Variants in NALF1 observed in about 807,000 individuals in gnomAD.
The protein encoded by NALF1 is NALCN channel auxiliary factor 1, also known as family with sequence similarity 155 member A.
Under a neutral mutation model 48.4 loss-of-function variants are expected in NALF1, and 3 were observed. The ratio of observed to expected loss-of-function variants is 0.06; its 90% CI spans 0.03 to 0.16. The LOEUF (loss-of-function observed/expected upper bound fraction) is 0.16, where lower values mean the gene tolerates loss of function less well. Among genes scored for constraint, NALF1 ranks in the 10% least tolerant of loss-of-function variants. NALF1 has a pLI of 1.00. For synonymous variants in NALF1, 262 were observed against 245.7 expected (o/e 1.07, Z -0.62); for missense variants, 526 against 571.5 (o/e 0.92, Z 0.81).
intron 1 of NALF1, among the ~76,000 whole-genome samples, chr13:107,753,003 C>T (rs892210117): frequency 6.6e-6 from 1 of 152,146 alleles, no homozygotes; most frequent in African/African-American, 2.4e-5. Flanking sequence ...ATTTTGTTCC[C>T]CACATGGATG....
chr13:107,509,508 G>A (rs989107138), intron 1 of NALF1, among the ~76,000 whole-genome samples: 3 of 152,088 alleles, frequency 2.0e-5, no homozygotes, highest in Admixed American at 6.6e-5. Context: ...AGTCTTCAAC[G>A]ACCAAACACT....
At chr13:107,358,387 C>G (rs1425258776) in intron 1 of NALF1, among the ~76,000 whole-genome samples, 1 of 152,092 alleles carries the variant, frequency 6.6e-6, no homozygotes, top group African/African-American at 2.4e-5. Flanking sequence ...TCAGTGGGAT[C>G]CAGGTGAAAA....
intron 1 of NALF1, among the ~76,000 whole-genome samples, chr13:107,533,183 CATATTTT>C (rs1876694949): frequency 6.6e-6 from 1 of 152,040 alleles, no homozygotes. Flanking sequence ...CTCTGTTTTA[CATATTTT>C]GTTTGTAAAG....
At chr13:107,204,818 A>G (rs905116599) in intron 2 of NALF1, among the ~76,000 whole-genome samples, 9 of 152,198 alleles carry the variant, frequency 5.9e-5, no homozygotes, top group Non-Finnish European at 1.0e-4. Context: ...AAATGATGCT[A>G]TAACTACACT....
intron 1 of NALF1, among the ~76,000 whole-genome samples, chr13:107,795,371 TA>T (rs1878388041): frequency 6.6e-6 from 1 of 152,170 alleles, no homozygotes; most frequent in African/African-American, 2.4e-5. Context: ...ACGTGTAACT[TA>T]CTGAGTTAGG....
intron 1 of NALF1, among the ~76,000 whole-genome samples, chr13:107,351,740 T>C (rs1035789169): frequency 2.0e-5 from 3 of 152,198 alleles, no homozygotes; most frequent in African/African-American, 7.2e-5. Context: ...AAACTCAACA[T>C]ATTTAGAGAC....
At chr13:107,660,473 ACACAC>A (rs1566434053) in intron 1 of NALF1, among the ~76,000 whole-genome samples, 1 of 127,068 alleles carries the variant, frequency 7.9e-6, no homozygotes, top group Admixed American at 7.5e-5. Flanking sequence ...ACACACACAC[ACACAC>A]ACACACAACA....
chr13:107,410,799 G>T (rs545192537), intron 1 of NALF1, among the ~76,000 whole-genome samples: 70 of 152,230 alleles, frequency 4.6e-4, no homozygotes, highest in Non-Finnish European at 7.8e-4. Context: ...GGACAATAAT[G>T]ATTAATATTT....
At chr13:107,501,708 T>C (rs990012910) in intron 1 of NALF1, among the ~76,000 whole-genome samples, 9 of 152,136 alleles carry the variant, frequency 5.9e-5, no homozygotes, top group African/African-American at 1.9e-4. Context: ...TATTAGAAAA[T>C]AAGAGAGAAG....
At chr13:107,289,922 C>T (rs897922590) in intron 1 of NALF1, among the ~76,000 whole-genome samples, 1 of 152,086 alleles carries the variant, frequency 6.6e-6, no homozygotes, top group African/African-American at 2.4e-5. Flanking sequence ...GCAGCAACCC[C>T]TGTAGTGAGC....
chr13:107,558,435 T>G (rs2138391124), intron 1 of NALF1, among the ~76,000 whole-genome samples: 1 of 152,306 alleles, frequency 6.6e-6, no homozygotes, highest in Middle Eastern at 3.4e-3. Context: ...TTGCTAAAAT[T>G]TATCCCCAAA....
chr13:107,271,300 A>G (rs1173377434), intron 1 of NALF1, among the ~76,000 whole-genome samples: 1 of 152,182 alleles, frequency 6.6e-6, no homozygotes, highest in Non-Finnish European at 1.5e-5. Context: ...GCAGTAGAAG[A>G]GGAAGTTAGA....
chr13:107,765,574 A>G (rs778205372), intron 1 of NALF1, among the ~76,000 whole-genome samples: 3 of 152,194 alleles, frequency 2.0e-5, no homozygotes, highest in Non-Finnish European at 4.4e-5. Context: ...ACATAACTGT[A>G]TATGTATACA....
At chr13:107,861,555 C>T (rs147633749) in intron 1 of NALF1, among the ~76,000 whole-genome samples, 6 of 152,180 alleles carry the variant, frequency 3.9e-5, no homozygotes, top group Non-Finnish European at 7.3e-5. Context: ...GAGGCCAAGG[C>T]GGGCAGATCA....
At chr13:107,349,343 T>G (rs1382540208) in intron 1 of NALF1, among the ~76,000 whole-genome samples, 1 of 152,092 alleles carries the variant, frequency 6.6e-6, no homozygotes, top group Non-Finnish European at 1.5e-5. Flanking sequence ...GAAATAAAAG[T>G]GACGTCTGCC....
At chr13:107,264,838 T>C (rs1292729602) in intron 1 of NALF1, among the ~76,000 whole-genome samples, 1 of 152,216 alleles carries the variant, frequency 6.6e-6, no homozygotes, top group Non-Finnish European at 1.5e-5. Flanking sequence ...TTTGACATTG[T>C]TCATTTTAAA....
chr13:107,579,145 G>A (rs1444334356), intron 1 of NALF1, among the ~76,000 whole-genome samples: 1 of 152,156 alleles, frequency 6.6e-6, no homozygotes, highest in Non-Finnish European at 1.5e-5. Context: ...AGGCTGGAGT[G>A]CAGTGGCACA....
At chr13:107,428,635 A>G (rs1884322723) in intron 1 of NALF1, among the ~76,000 whole-genome samples, 1 of 152,194 alleles carries the variant, frequency 6.6e-6, no homozygotes, top group Non-Finnish European at 1.5e-5. Flanking sequence ...GTGTATTGTT[A>G]AATTCTGGAT....
intron 1 of NALF1, among the ~76,000 whole-genome samples, chr13:107,750,500 G>A (rs1876908012): frequency 6.6e-6 from 1 of 151,240 alleles, no homozygotes; most frequent in Admixed American, 6.6e-5. Flanking sequence ...TCATATAAAA[G>A]CATGCAGTTA....
Sources: allele counts gnomAD v4.1 joint callset (sites outside exome capture counted in the v4.1 genomes callset), GRCh38; gene constraint gnomAD v4.1.1; transcripts MANE v1.5; gene names NCBI Gene and HGNC (gene_info 2026-07-23, HGNC 2026-07-21).